TLK1: variants seen among roughly 807,000 people sequenced by gnomAD.
TLK1 encodes serine/threonine-protein kinase tousled-like 1.
TLK1 carries 24 observed loss-of-function variants against 105.3 expected under a neutral mutation model. The ratio of observed to expected loss-of-function variants is 0.23; its 90% CI spans 0.17 to 0.32. The LOEUF is 0.32. Among genes scored for constraint, TLK1 ranks in the 10% least tolerant of loss-of-function variants. The pLI is 1.00. For synonymous variants in TLK1, 321 were observed against 310.4 expected, an observed-to-expected ratio of 1.03 and a Z score of -0.36; for missense variants, 558 against 910.5, an observed-to-expected ratio of 0.61 and a Z score of 4.98.
intron 1 of TLK1, among the ~76,000 whole-genome samples, chr2:171,208,254 C>T (rs1693544864): frequency 6.6e-6 from 1 of 152,010 alleles, no homozygotes; most frequent in Non-Finnish European, 1.5e-5. Context: ...CATGGTGTTG[C>T]TATTTTTAAA....
At chr2:171,156,213 T>TTA (rs1468853681) in intron 1 of TLK1, among the ~76,000 whole-genome samples, 1 of 152,180 alleles carries the variant, frequency 6.6e-6, no homozygotes, top group Non-Finnish European at 1.5e-5. Flanking sequence ...AACCAAAACA[T>TTA]CATAACAGAC....
intron 11 of TLK1, among the ~76,000 whole-genome samples, chr2:171,033,963 G>C (rs1686190086): frequency 6.7e-6 from 1 of 148,578 alleles, no homozygotes; most frequent in African/African-American, 2.5e-5. Context: ...CAAAAGACTT[G>C]AATAGACATT....
At chr2:171,145,634 G>A (rs190899301) in intron 1 of TLK1, among the ~76,000 whole-genome samples, 7 of 151,924 alleles carry the variant, frequency 4.6e-5, no homozygotes, top group Admixed American at 1.3e-4. Flanking sequence ...GAAGAGACAG[G>A]TATAAACATG....
intron 2 of TLK1, among the ~76,000 whole-genome samples, chr2:171,104,995 A>T (rs2105510666): frequency 6.6e-6 from 1 of 152,338 alleles, no homozygotes; most frequent in South Asian, 2.1e-4. Flanking sequence ...CTGTATACAA[A>T]AATCAACTCA....
At chr2:171,022,085 A>AC (rs769543570) in intron 12 of TLK1, among the ~76,000 whole-genome samples, 26,123 of 137,762 alleles carry the variant, frequency 0.19, 2,975 homozygotes, top group Non-Finnish European at 0.26. Context: ...CCTGGGCGAA[A>AC]AACACACACA....
At chr2:171,135,034 T>C (rs1044553441) in intron 1 of TLK1, among the ~76,000 whole-genome samples, 5 of 151,952 alleles carry the variant, frequency 3.3e-5, no homozygotes, top group African/African-American at 4.8e-5. Context: ...TCTAAAAAAT[T>C]TGAACACACA....
chr2:171,001,210 G>C (rs182774954), intron 18 of TLK1, among the ~76,000 whole-genome samples: 36 of 152,270 alleles, frequency 2.4e-4, no homozygotes, highest in Middle Eastern at 3.4e-3. Context: ...CTTTCATGAT[G>C]TTCTGTCTAC....
intron 2 of TLK1, among the ~76,000 whole-genome samples, chr2:171,102,293 C>T (rs1386000582): frequency 6.6e-6 from 1 of 152,120 alleles, no homozygotes; most frequent in Non-Finnish European, 1.5e-5. Flanking sequence ...CTTTCTGAGA[C>T]ATTTAGTTAT....
intron 19 of TLK1, 32 bp downstream of exon 19, chr2:170,997,680 G>T: frequency 7.0e-7 from 1 of 1,438,678 alleles, no homozygotes; most frequent in Non-Finnish European, 9.6e-7. Context: ...ATTTATCTCT[G>T]TAGAGCTGAA....
At chr2:171,000,506 T>C (rs2105354701) in intron 18 of TLK1, among the ~76,000 whole-genome samples, 1 of 152,212 alleles carries the variant, frequency 6.6e-6, no homozygotes, top group Admixed American at 6.5e-5. Context: ...ATTCTTATAG[T>C]AAGCTAGAAG....
chr2:171,180,221 TA>T (rs908785841), intron 1 of TLK1, among the ~76,000 whole-genome samples: 118 of 144,976 alleles, frequency 8.1e-4, no homozygotes, highest in East Asian at 8.0e-4. Context: ...AGACTTTGTC[TA>T]AAAAAAAAAA....
At chr2:171,115,170 C>CT (rs373796060) in intron 2 of TLK1, among the ~76,000 whole-genome samples, 14 of 135,770 alleles carry the variant, frequency 1.0e-4, no homozygotes, top group African/African-American at 4.2e-4. Flanking sequence ...TTAAGAATTT[C>CT]TTTCTTTTTT....
intron 1 of TLK1, among the ~76,000 whole-genome samples, chr2:171,215,934 CATAAAATTAGCTAACACAT>C (rs1470111921): frequency 1.3e-5 from 2 of 152,194 alleles, no homozygotes; most frequent in Non-Finnish European, 2.9e-5. Flanking sequence ...CCTCATTTTT[CATAAAATTAGCTAACACAT>C]ATCAAGATTC....
chr2:171,210,277 T>A (rs1046107423), intron 1 of TLK1, among the ~76,000 whole-genome samples: 1 of 151,870 alleles, frequency 6.6e-6, no homozygotes, highest in African/African-American at 2.4e-5. Flanking sequence ...CTTTTTTTAT[T>A]ATTTTTTTTT....
At chr2:170,997,994 A>G (rs1291779211) in intron 18 of TLK1, among the ~76,000 whole-genome samples, 171 bp from the exon 19 acceptor site, 3 of 152,058 alleles carry the variant, frequency 2.0e-5, no homozygotes, top group Non-Finnish European at 4.4e-5. Flanking sequence ...TTATCATTTA[A>G]CTCTAGAGCC....
intron 1 of TLK1, among the ~76,000 whole-genome samples, chr2:171,229,660 G>A (rs1008058656): frequency 6.6e-6 from 1 of 152,182 alleles, no homozygotes; most frequent in Non-Finnish European, 1.5e-5. Flanking sequence ...GAGAAAGGGT[G>A]CAAACTTTGC....
intron 1 of TLK1, among the ~76,000 whole-genome samples, chr2:171,193,699 CATTTTTTTTTT>C (rs1693205195): frequency 9.7e-6 from 1 of 103,226 alleles, no homozygotes; most frequent in African/African-American, 4.0e-5. Context: ...CAGCGCCTGG[CATTTTTTTTTT>C]TTTTTTTTTT....
intron 1 of TLK1, among the ~76,000 whole-genome samples, chr2:171,121,244 A>G (rs552292546): frequency 2.6e-5 from 4 of 152,202 alleles, no homozygotes; most frequent in Non-Finnish European, 5.9e-5. Flanking sequence ...AATTTAAAAA[A>G]AAATAATTAG....
intron 1 of TLK1, among the ~76,000 whole-genome samples, chr2:171,203,454 T>C (rs1336412090): frequency 6.6e-6 from 1 of 152,246 alleles, no homozygotes; most frequent in African/African-American, 2.4e-5. Context: ...TATTTGTCTT[T>C]TTGTGACTGG....
Sources: gnomAD v4.1 joint callset for allele counts (sites outside exome capture counted in the v4.1 genomes callset) on GRCh38, gnomAD v4.1.1 for gene constraint, MANE v1.5 for transcripts, NCBI Gene and HGNC (gene_info 2026-07-23, HGNC 2026-07-21) for gene names.